The following PLCL1 variants were observed in gnomAD, a reference collection of about 807,000 sequenced individuals.
The protein encoded by PLCL1 is phospholipase C like 1 (inactive), also known as inactive phospholipase C-like protein 1.
A neutral mutation model predicts 84.4 loss-of-function variants in PLCL1; 41 were observed. The observed-to-expected ratio is 0.49, with a 90% confidence interval of 0.38 to 0.63. The LOEUF (loss-of-function observed/expected upper bound fraction) is 0.63, where lower values mean the gene tolerates loss of function less well. Ranked by LOEUF, PLCL1 falls within the 30% of genes least tolerant of loss-of-function variation. The pLI is 0.00. For missense variants in PLCL1, 1,206 were observed against 1,367.8 expected, an observed-to-expected ratio of 0.88 and a Z score of 1.87; for synonymous variants, 490 against 488.3, an observed-to-expected ratio of 1.00 and a Z score of -0.05.
At chr2:198,017,707 G>C (rs1202062784) in intron 1 of PLCL1, among the ~76,000 whole-genome samples, 1 of 152,182 alleles carries the variant, frequency 6.6e-6, no homozygotes, top group Admixed American at 6.5e-5. Flanking sequence ...TGTTCTTAAT[G>C]CTTTAGTAAT....
At chr2:198,074,505 T>C (rs1457469163) in intron 1 of PLCL1, among the ~76,000 whole-genome samples, 2 of 152,184 alleles carry the variant, frequency 1.3e-5, no homozygotes, top group Non-Finnish European at 2.9e-5. Flanking sequence ...TATTGGTGTG[T>C]CATAGTTGGG....
At chr2:197,920,958 A>G (rs1284646998) in intron 1 of PLCL1, among the ~76,000 whole-genome samples, 4 of 152,230 alleles carry the variant, frequency 2.6e-5, no homozygotes, top group Admixed American at 2.6e-4. Flanking sequence ...TGTGTCGCTA[A>G]CGACAGGGCA....
intron 1 of PLCL1, among the ~76,000 whole-genome samples, chr2:197,844,864 C>G (rs759749699): frequency 6.6e-6 from 1 of 151,990 alleles, no homozygotes; most frequent in East Asian, 1.9e-4. Context: ...AAGGTCATCT[C>G]GATTTCCCTA....
intron 5 of PLCL1, among the ~76,000 whole-genome samples, chr2:198,117,244 T>G (rs1195537350): frequency 1.3e-5 from 2 of 151,900 alleles, no homozygotes; most frequent in African/African-American, 4.8e-5. Context: ...ATATACTGGA[T>G]GCCCTGAAAA....
At chr2:197,937,780 A>G (rs1689079685) in intron 1 of PLCL1, among the ~76,000 whole-genome samples, 1 of 152,230 alleles carries the variant, frequency 6.6e-6, no homozygotes, top group South Asian at 2.1e-4. Flanking sequence ...GGTGCTTTAC[A>G]AAAGGATTAA....
chr2:198,086,562 A>T (rs530661987), intron 2 of PLCL1, among the ~76,000 whole-genome samples: 1 of 152,322 alleles, frequency 6.6e-6, no homozygotes, highest in African/African-American at 2.4e-5. Context: ...TCAATGATGC[A>T]GTGTGCTGTG....
chr2:197,983,113 C>T (rs895064051), intron 1 of PLCL1, among the ~76,000 whole-genome samples: 3 of 150,870 alleles, frequency 2.0e-5, no homozygotes, highest in Non-Finnish European at 3.0e-5. Flanking sequence ...TTATTTGCTT[C>T]AGGAAGCTTC....
chr2:197,902,110 C>G (rs1688278730), intron 1 of PLCL1, among the ~76,000 whole-genome samples: 1 of 152,058 alleles, frequency 6.6e-6, no homozygotes, highest in South Asian at 2.1e-4. Context: ...ATGTGTCAAA[C>G]AAGGATGGCA....
At chr2:198,113,593 C>T (rs986848798) in intron 5 of PLCL1, among the ~76,000 whole-genome samples, 1 of 151,752 alleles carries the variant, frequency 6.6e-6, no homozygotes, top group Non-Finnish European at 1.5e-5. Flanking sequence ...GAGGAAATAC[C>T]AGTACAGTGG....
At chr2:197,978,770 C>T (rs1236042696) in intron 1 of PLCL1, among the ~76,000 whole-genome samples, 1 of 152,190 alleles carries the variant, frequency 6.6e-6, no homozygotes, top group Non-Finnish European at 1.5e-5. Context: ...CATTCCCTCC[C>T]AGGGTGCACT....
At chr2:197,944,663 A>G (rs1689235176) in intron 1 of PLCL1, among the ~76,000 whole-genome samples, 2 of 152,242 alleles carry the variant, frequency 1.3e-5, no homozygotes, top group Non-Finnish European at 2.9e-5. Flanking sequence ...AACTCTTGCA[A>G]GCCGGTATAA....
In PLCL1 at chr2:198,084,097, C is replaced by T. The variant is rs767338768; in HGVS notation, c.580C>T (p.His194Tyr). ...TGAGGACTGTGCCTTTTCCATACTCCACGGGGAAAACTATGAGTCTCTGGA... is the reference window on the plus strand; with the variant it reads ...TGAGGACTGTGCCTTTTCCATACTCTACGGGGAAAACTATGAGTCTCTGGA... ...ICEDCAFSIL[H>Y]GENYESLDLV... The change falls in exon 2 of 6, where the codon CAC becomes TAC. Residue 194 changes from histidine (H) to tyrosine (Y), a missense_variant. His to Tyr is a moderately conservative substitution (Grantham distance 83). Coordinates refer to ENST00000428675, the MANE Select transcript of PLCL1 (RefSeq NM_006226.4). 4 of 1,613,986 alleles carry T rather than the reference C, an allele frequency of 2.5e-6. No individual in the cohort carries two copies. In the African/African-American group the frequency reaches 5.3e-5, roughly 22 times the overall value.
chr2:197,805,275 C>A lies in PLCL1; in HGVS notation c.176C>A (p.Ala59Glu). 3.9e-6 allele frequency: 5 copies of A among 1,284,698 alleles called. No individual in the cohort carries two copies. The highest frequency in any genetic ancestry group is 4.9e-6 in the Non-Finnish European group (5 of 1,017,804). 79.6% of individuals were successfully genotyped at this position (1,284,698 alleles called of 1,614,324 possible). ...CTGCCAGGCGCCGCGGGGACCCCAG[C>A]GGACAGCGAGGCGGGCCTCCTGGAG... ...VALPGAAGTPADSEAGLLEAA... is the reference protein window; with the variant it reads ...VALPGAAGTPEDSEAGLLEAA... Residue 59 changes from alanine (A) to glutamate (E), a missense_variant, in exon 1 of 6, where the codon GCG becomes GAG. Ala to Glu is a moderately radical substitution (Grantham distance 107). Transcript: ENST00000428675. This position sits in a 1 kb window ranked among gnomAD's most constrained non-coding sequence, Gnocchi z 4.0.
At chr2:197,978,814 C>G (rs1690042455) in intron 1 of PLCL1, among the ~76,000 whole-genome samples, 1 of 152,328 alleles carries the variant, frequency 6.6e-6, no homozygotes, top group Middle Eastern at 3.4e-3. Context: ...AGACTGGCAC[C>G]ATGCAGACAC....
chr2:197,808,724 T>G (rs1690529059), intron 1 of PLCL1, among the ~76,000 whole-genome samples: 2 of 152,218 alleles, frequency 1.3e-5, no homozygotes, highest in Admixed American at 1.3e-4. Flanking sequence ...GTTTTGGAAA[T>G]AGGAAGCAGC....
intron 5 of PLCL1, among the ~76,000 whole-genome samples, chr2:198,109,315 T>C (rs1200111322): frequency 6.6e-6 from 1 of 151,522 alleles, no homozygotes; most frequent in Non-Finnish European, 1.5e-5. Flanking sequence ...GCCTAGCTAG[T>C]TCCCTCCAGC....
At chr2:198,068,267 G>A (rs1453630360) in intron 1 of PLCL1, among the ~76,000 whole-genome samples, 1 of 152,104 alleles carries the variant, frequency 6.6e-6, no homozygotes, top group Non-Finnish European at 1.5e-5. Context: ...CAGTTCTACA[G>A]AAATAAATGA....
At chr2:197,991,549 T>C (rs2105812955) in intron 1 of PLCL1, among the ~76,000 whole-genome samples, 1 of 152,306 alleles carries the variant, frequency 6.6e-6, no homozygotes, top group South Asian at 2.1e-4. Context: ...TTTAAATTTA[T>C]TCTGTGCTCC....
chr2:197,962,269 T>A (rs530211419), intron 1 of PLCL1, among the ~76,000 whole-genome samples: 2 of 152,024 alleles, frequency 1.3e-5, no homozygotes, highest in African/African-American at 4.8e-5. Flanking sequence ...CACTTGCAGT[T>A]TGGGACATTT....
Sources: allele counts gnomAD v4.1 joint callset (sites outside exome capture counted in the v4.1 genomes callset), GRCh38; gene constraint gnomAD v4.1.1; non-coding constraint Gnocchi (gnomAD v3.1); transcripts MANE v1.5; gene names NCBI Gene and HGNC (gene_info 2026-07-23, HGNC 2026-07-21).